The following GULP1 variants were observed in gnomAD, a reference collection of about 807,000 sequenced individuals.
The protein encoded by GULP1 is GULP PTB domain containing engulfment adaptor 1.
In GULP1, 19 loss-of-function variants were observed where a neutral mutation model predicts 40.9. That is an observed-to-expected ratio of 0.46 (90% CI 0.32 to 0.68). GULP1 has a LOEUF of 0.68. GULP1 is among the 30% of genes least tolerant of loss of function. The pLI, the probability that GULP1 is intolerant of heterozygous loss-of-function variation, is 0.03. For synonymous variants in GULP1, 119 were observed against 117.6 expected (o/e 1.01, Z -0.08); for missense variants, 312 against 362.2 (o/e 0.86, Z 1.12).
At chr2:188,315,883 C>G (rs2038998013) in intron 1 of GULP1, among the ~76,000 whole-genome samples, 1 of 152,006 alleles carries the variant, frequency 6.6e-6, no homozygotes, top group Non-Finnish European at 1.5e-5. Flanking sequence ...TATTTTCAGA[C>G]TGTGACTGAT....
intron 7 of GULP1, among the ~76,000 whole-genome samples, chr2:188,555,320 T>A (rs1694478014): frequency 6.6e-6 from 1 of 152,194 alleles, no homozygotes; most frequent in Non-Finnish European, 1.5e-5. Context: ...ATGAGTTTTA[T>A]ACTTTCTTGT....
intron 10 of GULP1, among the ~76,000 whole-genome samples, chr2:188,586,204 G>A (rs1044500558): frequency 2.6e-5 from 4 of 152,060 alleles, no homozygotes; most frequent in African/African-American, 7.2e-5. Flanking sequence ...ATATTCCTGA[G>A]TATCAAAGTT....
chr2:188,401,762 A>C (rs2052329404), intron 2 of GULP1, among the ~76,000 whole-genome samples: 1 of 152,186 alleles, frequency 6.6e-6, no homozygotes, highest in Admixed American at 6.5e-5. Context: ...CTTTAGCTTG[A>C]AGCATTTTTA....
chr2:188,403,793 T>C (rs2052654933), intron 2 of GULP1, among the ~76,000 whole-genome samples: 2 of 152,146 alleles, frequency 1.3e-5, no homozygotes, highest in Non-Finnish European at 2.9e-5. Flanking sequence ...GAGAAGTAAC[T>C]CATTGCTAAG....
intron 6 of GULP1, among the ~76,000 whole-genome samples, chr2:188,534,985 CTAT>C (rs1399787511): frequency 2.4e-4 from 36 of 151,270 alleles, no homozygotes; most frequent in South Asian, 1.5e-3. Flanking sequence ...TCTCGATTTC[CTAT>C]TATTAAGACT....
chr2:188,388,047 C>G (rs2050015488), intron 2 of GULP1, among the ~76,000 whole-genome samples: 1 of 115,688 alleles, frequency 8.6e-6, no homozygotes, highest in Non-Finnish European at 1.7e-5. Flanking sequence ...CACCCCACAA[C>G]AGTCCCCAGA....
chr2:188,541,497 A>C lies in GULP1; in HGVS notation c.399+179A>C, dbSNP rs1286860218. 10 of 661,166 alleles carry C rather than the reference A, an allele frequency of 1.5e-5. No homozygotes were observed. In the African/African-American group the frequency reaches 1.8e-4, roughly 12 times the overall value. The allele number at this position is 661,166 out of a possible 1,614,324, so 41.0% of individuals were successfully genotyped here. A position where few individuals can be genotyped will look rare whatever the true frequency, so the allele number is the denominator to read the frequency against. ...TTTTGTCATGAGAATATGCTTCAGGATTTCATCTGTAACTAAATTCTCATG... is the reference window on the plus strand; with the variant it reads ...TTTTGTCATGAGAATATGCTTCAGGCTTTCATCTGTAACTAAATTCTCATG... On this transcript the variant is annotated intron_variant, in intron 7 of 11. Transcript: ENST00000409830.
intron 1 of GULP1, among the ~76,000 whole-genome samples, chr2:188,355,869 G>A (rs2045233159): frequency 6.6e-6 from 1 of 152,014 alleles, no homozygotes; most frequent in South Asian, 2.1e-4. Context: ...TGGAATGCAA[G>A]AATGGTTCAA....
chr2:188,490,945 A>G (rs1246222011), intron 4 of GULP1, among the ~76,000 whole-genome samples: 1 of 151,958 alleles, frequency 6.6e-6, no homozygotes, highest in East Asian at 1.9e-4. Flanking sequence ...CTGGGACTAC[A>G]GGCCTGCACC....
At chr2:188,323,494 C>G (rs1021054802) in intron 1 of GULP1, among the ~76,000 whole-genome samples, 1 of 151,882 alleles carries the variant, frequency 6.6e-6, no homozygotes, top group Non-Finnish European at 1.5e-5. Context: ...TCATGAAGGA[C>G]TGTTATTTTA....
intron 9 of GULP1, among the ~76,000 whole-genome samples, chr2:188,583,158 T>G (rs945461815): frequency 6.6e-6 from 1 of 151,512 alleles, no homozygotes; most frequent in African/African-American, 2.4e-5. Context: ...AGTAAAGGGG[T>G]GAGGGGATAC....
At chr2:188,347,614 A>AATT in intron 1 of GULP1, among the ~76,000 whole-genome samples, 1 of 135,292 alleles carries the variant, frequency 7.4e-6, no homozygotes, top group African/African-American at 2.8e-5. Flanking sequence ...ATCTCAAAGC[A>AATT]TTTTTTTTTT....
intron 6 of GULP1, among the ~76,000 whole-genome samples, chr2:188,534,437 T>C (rs1312710935): frequency 6.6e-6 from 1 of 152,128 alleles, no homozygotes; most frequent in African/African-American, 2.4e-5. Flanking sequence ...GTACTTATAC[T>C]GGGTACTCAT....
At chr2:188,581,407 G>A (rs1316273158) in intron 9 of GULP1, among the ~76,000 whole-genome samples, 1 of 152,158 alleles carries the variant, frequency 6.6e-6, no homozygotes, top group African/African-American at 2.4e-5. Context: ...CATTGATGGA[G>A]CAGGCACCTT....
intron 10 of GULP1, among the ~76,000 whole-genome samples, chr2:188,585,187 G>A (rs1702115385): frequency 6.6e-6 from 1 of 152,152 alleles, no homozygotes; most frequent in Non-Finnish European, 1.5e-5. Flanking sequence ...GCAAGGGATG[G>A]ACCCCAAGGC....
chr2:188,336,688 G>A lies in GULP1; in HGVS notation c.-172+44522G>A, dbSNP rs905976715. Among the ~76,000 whole-genome samples the A allele has an allele frequency of 2.6e-5, 4 of 152,276 alleles. No homozygotes were observed. The East Asian group carries it at 5.8e-4, about 22-fold the overall frequency. On this transcript the variant is annotated intron_variant, in intron 1 of 11. Transcript: ENST00000409830. ...ATAACATTTGGTATCTGAGAACAAA[G>A]CAATAGTTAGCATGAATATATGTGG...
chr2:188,460,774 C>G (rs112565243), intron 2 of GULP1, among the ~76,000 whole-genome samples: 3 of 152,164 alleles, frequency 2.0e-5, no homozygotes, highest in African/African-American at 7.2e-5. Flanking sequence ...CAGTATGACA[C>G]TAGCTGTGGG....
intron 2 of GULP1, among the ~76,000 whole-genome samples, chr2:188,400,065 A>T (rs1248707019): frequency 6.6e-6 from 1 of 152,178 alleles, no homozygotes; most frequent in Non-Finnish European, 1.5e-5. Flanking sequence ...ATTGTATAAC[A>T]GTTATGGAGG....
rs548760838 is a variant in GULP1, at chr2:188,309,988, G to A, written c.-172+17822G>A. 1.1e-4 allele frequency among the ~76,000 whole-genome samples: 16 copies of A among 152,232 alleles called. No individual in the cohort carries two copies. The South Asian group carries it at 3.3e-3, about 32-fold the overall frequency. On this transcript the variant is annotated intron_variant, in intron 1 of 11. Coordinates refer to ENST00000409830, the MANE Select transcript of GULP1 (RefSeq NM_016315.4). ...TGAAGTCTTAAATTCATTAGAATCT[G>A]GCCTTCTGCTTCATAAAGTTTGTTT...
Sources: allele counts gnomAD v4.1 joint callset (sites outside exome capture counted in the v4.1 genomes callset), GRCh38; gene constraint gnomAD v4.1.1; transcripts MANE v1.5; gene names NCBI Gene and HGNC (gene_info 2026-07-23, HGNC 2026-07-21).